Variants in TAF1C observed in about 807,000 individuals in gnomAD.
TAF1C encodes the protein TATA-box binding protein associated factor, RNA polymerase I subunit C, also known as TATA box-binding protein-associated factor RNA polymerase I subunit C.
A neutral mutation model predicts 70.5 loss-of-function variants in TAF1C; 79 were observed. That is an observed-to-expected ratio of 1.12 (90% CI 0.93 to 1.35). The LOEUF (loss-of-function observed/expected upper bound fraction) is 1.35. Ranked by LOEUF, TAF1C falls within the 40% of genes most tolerant of loss-of-function variation. The pLI, the probability that TAF1C is intolerant of heterozygous loss-of-function variation, is 0.00. For missense variants in TAF1C, 1,412 were observed against 1,127.8 expected (o/e 1.25, Z -3.61); for synonymous variants, 614 against 491.1 (o/e 1.25, Z -3.31).
Position 84,182,326 on chromosome 16 carries a change from C to G in TAF1C, c.597G>C (p.Val199=). The change falls in exon 7 of 15, where the codon GTG becomes GTC. Residue 199 remains valine (V), a synonymous_variant. Coordinates refer to ENST00000566732, the MANE Select transcript of TAF1C (RefSeq NM_001243156.2). This position sits in a 1 kb window ranked among gnomAD's most constrained non-coding sequence, Gnocchi z 5.0. ...HLAELLHEEL[V]LRWEQLLLDE... The stretch of plus-strand genomic sequence containing the variant: ...CCAGAAGCAGCTGCTCCCACCGCAG[C>G]ACCAGCTCCTCGTGCAGCAGCTCTG... The G allele has an allele frequency of 6.2e-7, 1 of 1,612,770 alleles. No individual in the cohort carries two copies. Among genetic ancestry groups the G allele is most frequent in the Non-Finnish European group, 8.5e-7 (1 of 1,179,866 alleles).
In TAF1C at chr16:84,181,955, G is replaced by A. The variant is rs557877260; in HGVS notation, c.825C>T (p.Thr275=). The change falls in exon 8 of 15, where the codon ACC becomes ACT. Residue 275 remains threonine (T), a synonymous_variant. Coordinates refer to ENST00000566732, the MANE Select transcript of TAF1C (RefSeq NM_001243156.2). ...QGPVRQVVTC[T]VQGETLLAVR... ...TAAGGGCCTTACTTTCTCCCTGGAC[G>A]GTGCATGTCACCACTTGCCGGACAG... The A allele has an allele frequency of 7.4e-6, 12 of 1,613,930 alleles. No individual in the cohort carries two copies. Among genetic ancestry groups the A allele is most frequent in the Admixed American group, 1.7e-5 (1 of 60,014 alleles).
At chr16:84,180,688 G>A in intron 12 of TAF1C, 1 of 834,806 alleles carries the variant, frequency 1.2e-6, no homozygotes, top group Non-Finnish European at 1.7e-6. Flanking sequence ...GCCTACGAAT[G>A]TCCCCGGGAG....
At chr16:84,184,791 C>A in intron 2 of TAF1C, 60 bp downstream of exon 2, 1 of 1,527,730 alleles carries the variant, frequency 6.5e-7, no homozygotes, top group Non-Finnish European at 8.8e-7. Context: ...GAATGTGAGA[C>A]GGGGGACCCA....
At position 84,182,222 on chromosome 16, in the gene TAF1C, C is replaced by T; in HGVS notation, c.701G>A (p.Gly234Glu). The change falls in exon 7 of 15, where the codon GGA becomes GAA. Residue 234 changes from glycine to glutamate, a missense_variant. Gly to Glu is a moderately conservative substitution (Grantham distance 98). Coordinates refer to ENST00000566732, the MANE Select transcript of TAF1C (RefSeq NM_001243156.2). The surrounding 1 kb of genome is among the most constrained non-coding windows in gnomAD (Gnocchi z 5.0). ...GATACGCAGCCTGTCCTGGGCGCCTCCAGCAGGGTAGACCAGCTGCCCGAA... is the reference window on the plus strand; with the variant it reads ...GATACGCAGCCTGTCCTGGGCGCCTTCAGCAGGGTAGACCAGCTGCCCGAA... ...PQFGQLVYPA[G>E]GAQDRLHFQE... 1.2e-6 allele frequency: 2 copies of T among 1,611,794 alleles called. No homozygotes were observed. Among genetic ancestry groups the T allele is most frequent in the Non-Finnish European group, 1.7e-6 (2 of 1,179,076 alleles).
chr16:84,181,311 C>T lies in TAF1C; in HGVS notation c.1164+17G>A, dbSNP rs762034019. 8.7e-6 allele frequency: 14 copies of T among 1,611,672 alleles called. No individual in the cohort carries two copies. In the East Asian group the frequency reaches 2.2e-4, roughly 26 times the overall value. On this transcript the variant is annotated intron_variant, in intron 11 of 14. Transcript: ENST00000566732. ...CGCTCCCGCAGTCGGGGTGGGTCCT[C>T]TGCCGCCAGCCCGTACCTGAGTGTC...
Position 84,181,757 on chromosome 16 carries a change from C to G in TAF1C, c.945G>C (p.Gly315=). 1 of 1,614,058 alleles carries G rather than the reference C, an allele frequency of 6.2e-7. No homozygotes were observed. The highest frequency in any genetic ancestry group is 8.5e-7 in the Non-Finnish European group (1 of 1,179,946). ...CTGACCCCCCTCACCTGAGGCTGATCCCCGTGGCCCCTTTCTCCACCTGCA... is the reference window on the plus strand; with the variant it reads ...CTGACCCCCCTCACCTGAGGCTGATGCCCGTGGCCCCTTTCTCCACCTGCA... The part of the protein sequence containing the change: ...QAMQVEKGAT[G]ISLSPHLPGE... The change falls in exon 9 of 15, where the codon GGG becomes GGC. Residue 315 remains glycine, a synonymous_variant. Transcript: ENST00000566732.
intron 12 of TAF1C, 124 bp downstream of exon 12, chr16:84,180,919 C>T: frequency 1.4e-6 from 2 of 1,446,020 alleles, no homozygotes; most frequent in Non-Finnish European, 1.8e-6. Context: ...CAGATTCATC[C>T]AGGGTTGAGT....
In TAF1C at chr16:84,182,395, G is replaced by T; in HGVS notation, c.528C>A (p.Ile176=). The T allele has an allele frequency of 1.2e-6, 2 of 1,606,722 alleles. No homozygotes were observed. The highest frequency in any genetic ancestry group is 1.7e-6 in the Non-Finnish European group (2 of 1,178,048). The change falls in exon 7 of 15, where the codon ATC becomes ATA. Residue 176 remains isoleucine (I), a synonymous_variant. Coordinates refer to ENST00000566732, the MANE Select transcript of TAF1C (RefSeq NM_001243156.2). This position sits in a 1 kb window ranked among gnomAD's most constrained non-coding sequence, Gnocchi z 5.0. ...ACGTGCCCAGGATGGGGCCCCCGAGGATAGAGAAGCGGCGCTGTCGGTTGC... is the reference window on the plus strand; with the variant it reads ...ACGTGCCCAGGATGGGGCCCCCGAGTATAGAGAAGCGGCGCTGTCGGTTGC... ...YLSNRQRRFS[I]LGGPILGTSV... is the part of the protein sequence containing the mutation.
chr16:84,184,727 T>C, intron 2 of TAF1C, 124 bp downstream of exon 2: 1 of 1,248,546 alleles, frequency 8.0e-7, no homozygotes, highest in Non-Finnish European at 1.1e-6. Flanking sequence ...GCAGAGCCTG[T>C]GTCTCAGCAG....
intron 1 of TAF1C, chr16:84,185,587 G>C (rs1036670516): frequency 2.0e-5 from 3 of 152,252 alleles, no homozygotes; most frequent in Non-Finnish European, 2.9e-5. Context: ...AAATGCACTA[G>C]GGGTTGAAAA....
intron 10 of TAF1C, 46 bp from the exon 11 acceptor site, chr16:84,181,509 G>A (rs2089190416): frequency 6.2e-7 from 1 of 1,613,696 alleles, no homozygotes; most frequent in Non-Finnish European, 8.5e-7. Context: ...GGCTGATGGG[G>A]AAGGGGCTCA....
intron 12 of TAF1C, 166 bp from the exon 13 acceptor site, chr16:84,180,510 C>T (rs936578295): frequency 1.1e-5 from 8 of 717,272 alleles, no homozygotes; most frequent in Non-Finnish European, 1.5e-5. Flanking sequence ...CAGCCCTGAA[C>T]AGGTGCCGCT....
At chr16:84,180,545 T>G in intron 12 of TAF1C, 1 of 622,540 alleles carries the variant, frequency 1.6e-6, no homozygotes, top group Non-Finnish European at 2.6e-6. Context: ...TGACCGACAG[T>G]CCGGTGGACA....
chr16:84,183,593 G>A (rs773329495), intron 3 of TAF1C, 86 bp from the exon 4 acceptor site: 39 of 1,547,156 alleles, frequency 2.5e-5, no homozygotes, highest in Middle Eastern at 1.9e-4. Context: ...CAAGGGTCCT[G>A]AGCAGGCACA....
chr16:84,184,208 G>C (rs891422089), intron 2 of TAF1C, among the ~76,000 whole-genome samples: 1 of 152,172 alleles, frequency 6.6e-6, no homozygotes, highest in African/African-American at 2.4e-5. Context: ...ACATTCAGGG[G>C]ACAAAAGAGC....
rs766455723 is a variant in TAF1C at position 84,179,783 on chromosome 16, C to T, written c.1690G>A (p.Ala564Thr). ...TPGLVLFQLS[A>T]AGDVFYQQLR... The stretch of plus-strand genomic sequence containing the variant: ...TGCTGGTAGAAGACATCTCCCGCCG[C>T]CGAGAGCTGGAAGAGCACCAGGCCT... Residue 564 changes from alanine to threonine, a missense_variant, in exon 15 of 15, where the codon GCG becomes ACG. Ala to Thr is a moderately conservative substitution (Grantham distance 58). Transcript: ENST00000566732. 5.6e-5 allele frequency: 90 copies of T among 1,609,886 alleles called. 1 individual carries two copies. In the South Asian group the frequency reaches 9.4e-4, roughly 17 times the overall value.
chr16:84,180,362 A>AG lies in TAF1C; in HGVS notation c.1309-19dup. The AG allele has an allele frequency of 4.6e-6, 7 of 1,531,922 alleles. No homozygotes were observed. The highest frequency in any genetic ancestry group is 6.1e-6 in the Non-Finnish European group (7 of 1,144,530). The allele number at this position is 1,531,922 out of a possible 1,614,324, so 94.9% of individuals were successfully genotyped here. A position where few individuals can be genotyped will look rare whatever the true frequency, so the allele number is the denominator to read the frequency against. The stretch of plus-strand genomic sequence containing the variant: ...AGAGAGAACTGGGGCCCGAGAAGGA[A>AG]GGGGGATGTGGCCGAACTTGGGAGC... On this transcript the variant is annotated intron_variant, in intron 12 of 14. Coordinates refer to ENST00000566732, the MANE Select transcript of TAF1C (RefSeq NM_001243156.2).
At position 84,178,998 on chromosome 16, in the gene TAF1C, GTGC is replaced by G; in HGVS notation, c.2472_2474del (p.Gln824del). ...GCTGAGAGCTAGAGAGGACGGGTGT[GTGC>G]TGCTGGGAGCGAGTGGCCCGGACGC... On this transcript the variant is annotated inframe_deletion, in exon 15 of 15. Coordinates refer to ENST00000566732, the MANE Select transcript of TAF1C (RefSeq NM_001243156.2). 6.2e-7 allele frequency: 1 copy of G among 1,610,818 alleles called. No individual in the cohort carries two copies. The highest frequency in any genetic ancestry group is 8.5e-7 in the Non-Finnish European group (1 of 1,179,972).
Position 84,183,298 on chromosome 16 carries a change from G to A in TAF1C, c.354C>T (p.Ala118=), listed in dbSNP as rs780333380. ...GCATCAGCTTCCCCAGGGGCGCAAA[G>A]GCTACGTCTCCATGATCCAAGAGGA... is the stretch of plus-strand genomic sequence containing the variant. ...SRFLLDHGDV[A]FAPLGKLMLE... Residue 118 remains alanine, a synonymous_variant, in exon 5 of 15, where the codon GCC becomes GCT. Transcript: ENST00000566732. The A allele has an allele frequency of 3.7e-6, 6 of 1,613,988 alleles. No individual in the cohort carries two copies. The highest frequency in any genetic ancestry group is 2.7e-5 in the African/African-American group (2 of 75,050).
Sources: gnomAD v4.1 joint callset for allele counts (sites outside exome capture counted in the v4.1 genomes callset) on GRCh38, gnomAD v4.1.1 for gene constraint, Gnocchi (gnomAD v3.1) non-coding constraint, MANE v1.5 for transcripts, NCBI Gene and HGNC (gene_info 2026-07-23, HGNC 2026-07-21) for gene names.